The following MON2 variants were observed in gnomAD, a reference collection of about 807,000 sequenced individuals.
The protein encoded by MON2 is protein MON2 homolog.
Under a neutral mutation model 208.6 loss-of-function variants are expected in MON2, and 84 were observed. The ratio of observed to expected loss-of-function variants is 0.40; its 90% CI spans 0.34 to 0.48. The LOEUF (loss-of-function observed/expected upper bound fraction) is 0.48, where lower values mean the gene tolerates loss of function less well. Among genes scored for constraint, MON2 ranks in the 20% least tolerant of loss-of-function variants. The pLI is 0.59. For missense variants in MON2, 1,611 were observed against 2,015.4 expected, an observed-to-expected ratio of 0.80 and a Z score of 3.84; for synonymous variants, 660 against 694.0, an observed-to-expected ratio of 0.95 and a Z score of 0.77.
chr12:62,479,973 T>A (rs1178795230), intron 1 of MON2, among the ~76,000 whole-genome samples: 1 of 152,188 alleles, frequency 6.6e-6, no homozygotes, highest in Non-Finnish European at 1.5e-5. Context: ...AGACCTCTGT[T>A]CATACAGAAT....
intron 9 of MON2, 45 bp downstream of exon 9, chr12:62,524,684 A>T (rs763035511): frequency 7.0e-6 from 11 of 1,578,380 alleles, no homozygotes; most frequent in Non-Finnish European, 8.6e-6. Context: ...GTTAATGTTT[A>T]TTAACCTGTA....
At chr12:62,533,112 T>G (rs1319476575) in intron 12 of MON2, among the ~76,000 whole-genome samples, 1 of 152,214 alleles carries the variant, frequency 6.6e-6, no homozygotes, top group African/African-American at 2.4e-5. Context: ...CTTACTTTTT[T>G]GAGTACAAGT....
chr12:62,538,603 C>A, intron 19 of MON2, 98 bp downstream of exon 19: 2 of 814,190 alleles, frequency 2.5e-6, no homozygotes, highest in Non-Finnish European at 2.0e-6. Context: ...AACTAACACT[C>A]AGATTGTATG....
intron 8 of MON2, among the ~76,000 whole-genome samples, chr12:62,510,168 A>T (rs1487626173): frequency 2.0e-5 from 3 of 152,164 alleles, no homozygotes; most frequent in South Asian, 4.1e-4. Flanking sequence ...ATAATGAAAA[A>T]CCTTCCAACA....
chr12:62,472,314 G>C (rs576845923), intron 1 of MON2, among the ~76,000 whole-genome samples: 1 of 152,326 alleles, frequency 6.6e-6, no homozygotes, highest in South Asian at 2.1e-4. Context: ...CCCAGCACTA[G>C]AGGATGATGA....
Position 62,538,297 on chromosome 12 carries a change from A to T in MON2, c.2245A>T (p.Ile749Leu). Reference sequence around the variant, plus strand: ...GACAGATTTACCAGTGATTTCCAATATACTTTCAAGATTGTTTGAAAGCTC... The same window carrying T: ...GACAGATTTACCAGTGATTTCCAATTTACTTTCAAGATTGTTTGAAAGCTC... ...VMTDLPVISN[I>L]LSRLFESSQY... Residue 749 changes from isoleucine to leucine, a missense_variant, in exon 18 of 35, where the codon ATA (isoleucine) becomes TTA (leucine). By Grantham distance (5) the Ile-to-Leu change is conservative (BLOSUM62 2). Coordinates refer to ENST00000393630, the MANE Select transcript of MON2 (RefSeq NM_015026.3). 2.5e-6 allele frequency: 4 copies of T among 1,613,568 alleles called. No homozygotes were observed. The highest frequency in any genetic ancestry group is 3.4e-6 in the Non-Finnish European group (4 of 1,179,524).
At chr12:62,548,522 A>G (rs960468219) in intron 22 of MON2, among the ~76,000 whole-genome samples, 8 of 152,214 alleles carry the variant, frequency 5.3e-5, no homozygotes, top group Non-Finnish European at 1.2e-4. Context: ...CGGAAGTTGT[A>G]GACGACCAAG....
At chr12:62,564,768 C>T (rs1311164783) in intron 26 of MON2, among the ~76,000 whole-genome samples, 3 of 152,208 alleles carry the variant, frequency 2.0e-5, no homozygotes, top group Admixed American at 2.0e-4. Flanking sequence ...TCGTAGATGA[C>T]TTATTTTCCC....
intron 23 of MON2, among the ~76,000 whole-genome samples, chr12:62,552,198 G>A (rs1472924343): frequency 2.6e-5 from 4 of 152,010 alleles, no homozygotes; most frequent in Non-Finnish European, 5.9e-5. Context: ...TGCAGTGGGA[G>A]GTCCTGAAAC....
At chr12:62,561,560 G>A (rs192258774) in intron 26 of MON2, among the ~76,000 whole-genome samples, 11 of 151,948 alleles carry the variant, frequency 7.2e-5, no homozygotes, top group African/African-American at 2.4e-4. Flanking sequence ...TTTTCCTCAT[G>A]GTTTTTAAAG....
Position 62,538,187 on chromosome 12 carries a change from G to A in MON2, c.2199+11G>A, listed in dbSNP as rs145480308. The A allele has an allele frequency of 7.4e-5, 119 of 1,613,012 alleles. No homozygotes were observed. The African/African-American group carries it at 1.5e-3, about 20-fold the overall frequency. On this transcript the variant is annotated intron_variant, in intron 17 of 34. Transcript: ENST00000393630. ...GAAGGACCCAGTACAGTAAGCTCTAGTCTTTCTTACCCAATTAGTGCATCC... is the reference window on the plus strand; with the variant it reads ...GAAGGACCCAGTACAGTAAGCTCTAATCTTTCTTACCCAATTAGTGCATCC...
At chr12:62,494,419 T>C (rs2070356190) in intron 3 of MON2, among the ~76,000 whole-genome samples, 1 of 152,240 alleles carries the variant, frequency 6.6e-6, no homozygotes, top group South Asian at 2.1e-4. Flanking sequence ...GTATTGTTCA[T>C]ATCTAACCTT....
chr12:62,575,387 G>A lies in MON2; in HGVS notation c.4515-3058G>A, dbSNP rs113367402. On this transcript the variant is annotated intron_variant, in intron 30 of 34. Transcript: ENST00000393630. ...TTTCTAAATAATTGATAACTTTGGA[G>A]GTCATAAACTTTTAGATTTTAAACC... Among the ~76,000 whole-genome samples, 15 of 152,202 alleles carry A rather than the reference G, an allele frequency of 9.9e-5. 1 individual carries two copies. The highest frequency in any genetic ancestry group is 2.9e-4 in the African/African-American group (12 of 41,538).
chr12:62,560,591 G>A lies in MON2; in HGVS notation c.3510G>A (p.Gln1170=). Reference sequence around the variant, plus strand: ...CTCTGGCTGCTCTGAAAAGCTTCCAGGAAATTTTACAGATTGTGTCCCCTG... The same window carrying A: ...CTCTGGCTGCTCTGAAAAGCTTCCAAGAAATTTTACAGATTGTGTCCCCTG... ...EVSLAALKSF[Q]EILQIVSPVR... The change falls in exon 26 of 35, where the codon CAG becomes CAA. Residue 1170 remains glutamine, a synonymous_variant. Coordinates refer to ENST00000393630, the MANE Select transcript of MON2 (RefSeq NM_015026.3). 6.2e-7 allele frequency: 1 copy of A among 1,614,084 alleles called. No individual in the cohort carries two copies. The highest frequency in any genetic ancestry group is 1.1e-5 in the South Asian group (1 of 91,082).
chr12:62,498,765 T>C (rs1024516823), intron 4 of MON2, among the ~76,000 whole-genome samples, 154 bp from the exon 5 acceptor site: 8 of 152,238 alleles, frequency 5.3e-5, no homozygotes, highest in African/African-American at 1.9e-4. Context: ...ACTGACAACT[T>C]GGATTACATC....
intron 30 of MON2, among the ~76,000 whole-genome samples, chr12:62,578,148 A>C (rs1414245579): frequency 6.6e-6 from 1 of 152,192 alleles, no homozygotes; most frequent in African/African-American, 2.4e-5. Flanking sequence ...TGCAGATGAT[A>C]GCTCTTTACC....
At chr12:62,578,586 A>G (rs1359255347) in intron 31 of MON2, 81 bp downstream of exon 31, 1 of 845,986 alleles carries the variant, frequency 1.2e-6, no homozygotes, top group African/African-American at 1.8e-5. Flanking sequence ...ACAGTTGCTG[A>G]AAGAATAAAG....
intron 2 of MON2, among the ~76,000 whole-genome samples, chr12:62,484,510 C>T (rs1473744957): frequency 6.6e-6 from 1 of 152,196 alleles, no homozygotes; most frequent in Admixed American, 6.5e-5. Flanking sequence ...TTCGCATTCT[C>T]CTCCACTTCC....
chr12:62,469,638 G>C (rs1338242037), intron 1 of MON2, among the ~76,000 whole-genome samples: 1 of 152,066 alleles, frequency 6.6e-6, no homozygotes, highest in African/African-American at 2.4e-5. Context: ...TTAGGACAAA[G>C]GTTTGACTTT....
Sources: allele counts gnomAD v4.1 joint callset (sites outside exome capture counted in the v4.1 genomes callset), GRCh38; gene constraint gnomAD v4.1.1; transcripts MANE v1.5; gene names NCBI Gene and HGNC (gene_info 2026-07-23, HGNC 2026-07-21).